RAD18: variants seen among roughly 807,000 people sequenced by gnomAD.
The protein encoded by RAD18 is E3 ubiquitin-protein ligase RAD18.
A neutral mutation model predicts 60.4 loss-of-function variants in RAD18; 47 were observed. The observed-to-expected ratio is 0.78, with a 90% confidence interval of 0.62 to 0.99. The LOEUF (loss-of-function observed/expected upper bound fraction) is 0.99. Ranked by LOEUF, RAD18 falls within the 50% of genes least tolerant of loss-of-function variation. The pLI is 0.00. For synonymous variants in RAD18, 225 were observed against 195.5 expected (o/e 1.15, Z -1.26); for missense variants, 640 against 593.3 (o/e 1.08, Z -0.82).
At chr3:8,935,389 T>G (rs1427942210) in intron 7 of RAD18, among the ~76,000 whole-genome samples, 3 of 152,226 alleles carry the variant, frequency 2.0e-5, no homozygotes, top group Admixed American at 1.3e-4. Context: ...ATGGCAACAT[T>G]TACTGAAAGC....
rs1337870806 is a variant in RAD18, at chr3:8,948,093, T to C, written c.195+416A>G. ...AACTTTCTAGGGTTTTCCCTGAAGCTCTGGTAGGGGAAAGATGTAAGGGAA... is the reference window on the plus strand; with the variant it reads ...AACTTTCTAGGGTTTTCCCTGAAGCCCTGGTAGGGGAAAGATGTAAGGGAA... On this transcript the variant is annotated intron_variant, in intron 3 of 12. Transcript: ENST00000264926. Among the ~76,000 whole-genome samples, 3 of 152,160 alleles carry C rather than the reference T, an allele frequency of 2.0e-5. No individual in the cohort carries two copies. The East Asian group carries it at 5.8e-4, about 29-fold the overall frequency.
At chr3:8,914,549 TTTTATTTTTTTTA>T (rs1940162204) in intron 7 of RAD18, among the ~76,000 whole-genome samples, 1 of 152,164 alleles carries the variant, frequency 6.6e-6, no homozygotes, top group South Asian at 2.1e-4. Flanking sequence ...CCCATTAAAG[TTTTATTTTTTTTA>T]AACCACAGAC....
intron 7 of RAD18, among the ~76,000 whole-genome samples, chr3:8,930,930 T>G (rs1432815222): frequency 6.6e-6 from 1 of 152,076 alleles, no homozygotes; most frequent in African/African-American, 2.4e-5. Flanking sequence ...CTTAAGAAAT[T>G]CATTTAAAAA....
intron 11 of RAD18, among the ~76,000 whole-genome samples, chr3:8,894,540 T>A (rs899887042): frequency 1.3e-5 from 2 of 152,162 alleles, no homozygotes; most frequent in African/African-American, 4.8e-5. Flanking sequence ...TAAAATTCCA[T>A]GTGCCAGGCA....
chr3:8,892,268 A>C (rs1939704451), intron 11 of RAD18, among the ~76,000 whole-genome samples: 1 of 152,186 alleles, frequency 6.6e-6, no homozygotes, highest in South Asian at 2.1e-4. Context: ...ACCACGCTTC[A>C]AGAAGCTGGA....
At chr3:8,905,728 C>A (rs1332445987) in intron 9 of RAD18, among the ~76,000 whole-genome samples, 1 of 152,212 alleles carries the variant, frequency 6.6e-6, no homozygotes, top group East Asian at 1.9e-4. Flanking sequence ...GCATTCAATA[C>A]TGCTATAAAA....
At chr3:8,892,226 G>C (rs775906828) in intron 11 of RAD18, among the ~76,000 whole-genome samples, 1 of 152,158 alleles carries the variant, frequency 6.6e-6, no homozygotes, top group Non-Finnish European at 1.5e-5. Flanking sequence ...TTTTCAGCTT[G>C]TCTACTATTT....
At chr3:8,918,600 T>C (rs1337396436) in intron 7 of RAD18, among the ~76,000 whole-genome samples, 3 of 152,104 alleles carry the variant, frequency 2.0e-5, no homozygotes, top group Non-Finnish European at 4.4e-5. Context: ...TGTGTCACCC[T>C]GGGGTGTCTT....
In RAD18 at chr3:8,927,861, G is replaced by A. The variant is rs568733010; in HGVS notation, c.889+8010C>T. ...CACTCATAGGTGGGAACTGAACAAT[G>A]ACAACACTTGGACACAGGAAGAGGA... On this transcript the variant is annotated intron_variant, in intron 7 of 12. Coordinates refer to ENST00000264926, the MANE Select transcript of RAD18 (RefSeq NM_020165.4). 8.7e-5 allele frequency among the ~76,000 whole-genome samples: 13 copies of A among 149,770 alleles called. No homozygotes were observed. The South Asian group carries it at 2.8e-3, about 32-fold the overall frequency.
rs1941055626 is a variant in RAD18 at position 8,958,978 on chromosome 3, A to T, written c.75T>A (p.Cys25Ter). 1 of 1,613,644 alleles carries T rather than the reference A, an allele frequency of 6.2e-7. No homozygotes were observed. Among genetic ancestry groups the T allele is most frequent in the Non-Finnish European group, 8.5e-7 (1 of 1,179,690 alleles). Residue 25 changes from cysteine to a stop codon, truncating the protein, a stop_gained, in exon 2 of 13, where the codon TGT becomes TGA. Coordinates refer to ENST00000264926, the MANE Select transcript of RAD18 (RefSeq NM_020165.4). LOFTEE classifies it high-confidence loss of function. ...VMKTIDDLLRCGICFEYFNIA... is the reference protein window; with the variant it reads ...VMKTIDDLLR The stretch of plus-strand genomic sequence containing the variant: ...TGTTGAAATACTCGAAGCAAATTCC[A>T]CACCGCAGCAAATCATCTATTGTCT...
intron 12 of RAD18, among the ~76,000 whole-genome samples, chr3:8,887,658 A>G (rs1939592299): frequency 6.6e-6 from 1 of 152,204 alleles, no homozygotes; most frequent in Non-Finnish European, 1.5e-5. Context: ...ACACCCTTAG[A>G]GAAAAGGCTT....
intron 2 of RAD18, among the ~76,000 whole-genome samples, chr3:8,948,986 T>C (rs1407726603): frequency 6.6e-6 from 1 of 152,206 alleles, no homozygotes; most frequent in East Asian, 1.9e-4. Context: ...GGGACTTCTA[T>C]ATCTTAATTC....
intron 12 of RAD18, among the ~76,000 whole-genome samples, chr3:8,885,654 G>A (rs1939547273): frequency 6.6e-6 from 1 of 152,210 alleles, no homozygotes; most frequent in Admixed American, 6.5e-5. Context: ...GGCACTGTAA[G>A]GGAGGGAAGA....
At chr3:8,955,762 C>T (rs1349395358) in intron 2 of RAD18, among the ~76,000 whole-genome samples, 3 of 152,166 alleles carry the variant, frequency 2.0e-5, no homozygotes, top group Non-Finnish European at 4.4e-5. Flanking sequence ...AATTTATAAT[C>T]ACAAGTCCAG....
intron 7 of RAD18, among the ~76,000 whole-genome samples, chr3:8,930,060 T>G (rs143718145): frequency 2.3e-4 from 35 of 152,346 alleles, no homozygotes; most frequent in African/African-American, 6.5e-4. Flanking sequence ...ACTCAGCAAT[T>G]CTACTCTTAG....
At chr3:8,925,237 C>T (rs1260976027) in intron 7 of RAD18, among the ~76,000 whole-genome samples, 5 of 152,092 alleles carry the variant, frequency 3.3e-5, no homozygotes, top group Admixed American at 6.5e-5. Context: ...ATATCACCAC[C>T]GATCCCACAG....
chr3:8,959,067 CT>C (rs1388438241), intron 1 of RAD18, 66 bp from the exon 2 acceptor site: 3 of 1,296,200 alleles, frequency 2.3e-6, no homozygotes, highest in Non-Finnish European at 3.3e-6. Context: ...TGTCACAAAA[CT>C]TTTTCTCTAT....
chr3:8,911,885 G>T (rs1268094779), intron 9 of RAD18, among the ~76,000 whole-genome samples: 3 of 152,190 alleles, frequency 2.0e-5, no homozygotes, highest in Non-Finnish European at 4.4e-5. Flanking sequence ...AAGTGATAAA[G>T]TTGGGAGGTT....
At chr3:8,932,837 C>A (rs1023979251) in intron 7 of RAD18, among the ~76,000 whole-genome samples, 1 of 152,180 alleles carries the variant, frequency 6.6e-6, no homozygotes, top group East Asian at 1.9e-4. Flanking sequence ...GGGGCTCATG[C>A]CTGTAATCCC....
Sources: allele counts gnomAD v4.1 joint callset (sites outside exome capture counted in the v4.1 genomes callset), GRCh38; gene constraint gnomAD v4.1.1; transcripts MANE v1.5; gene names NCBI Gene and HGNC (gene_info 2026-07-23, HGNC 2026-07-21).